GALNT14: variants seen among roughly 807,000 people sequenced by gnomAD.
GALNT14 encodes the protein UDP-GalNAc:polypeptide N-acetylgalactosaminyltransferase 14.
Under a neutral mutation model 77.5 loss-of-function variants are expected in GALNT14, and 60 were observed. The ratio of observed to expected loss-of-function variants is 0.77; its 90% CI spans 0.63 to 0.96. The LOEUF is 0.96. Among genes scored for constraint, GALNT14 ranks in the 40% least tolerant of loss-of-function variants. The probability of loss-of-function intolerance (pLI) is 0.00; values close to 1 mark genes in which losing one functional copy is unlikely to be tolerated. For synonymous variants in GALNT14, 280 were observed against 281.7 expected (o/e 0.99, Z 0.06); for missense variants, 710 against 731.0 (o/e 0.97, Z 0.33).
chr2:31,042,265 C>A (rs1460214119), intron 1 of GALNT14, among the ~76,000 whole-genome samples: 1 of 152,108 alleles, frequency 6.6e-6, no homozygotes, highest in African/African-American at 2.4e-5. Context: ...TTAAAGGTGA[C>A]TTACACCTCT....
chr2:30,917,105 A>G (rs898027559), intron 13 of GALNT14, among the ~76,000 whole-genome samples: 79 of 149,284 alleles, frequency 5.3e-4, no homozygotes, highest in South Asian at 1.9e-3. Context: ...AAAAAAAAAA[A>G]GAGGCAGGAG....
chr2:30,891,330 C>A, the GALNT14 span, among the ~76,000 whole-genome samples: 4 of 152,126 alleles, frequency 2.6e-5, no homozygotes, highest in African/African-American at 9.7e-5. Context: ...CAGGTGATGT[C>A]TGAAGAAGGC....
At chr2:31,035,425 G>T (rs1023237975) in intron 1 of GALNT14, among the ~76,000 whole-genome samples, 1 of 151,530 alleles carries the variant, frequency 6.6e-6, no homozygotes, top group Non-Finnish European at 1.5e-5. Flanking sequence ...TTTACTGTGT[G>T]GATGTTACAT....
chr2:31,048,948 C>T (rs1193304367), intron 1 of GALNT14, among the ~76,000 whole-genome samples: 1 of 152,188 alleles, frequency 6.6e-6, no homozygotes, highest in Non-Finnish European at 1.5e-5. Context: ...GCCAAATGCC[C>T]CCTCCAACCT....
At chr2:31,107,202 A>AC (rs1677603114) in intron 1 of GALNT14, among the ~76,000 whole-genome samples, 1 of 152,184 alleles carries the variant, frequency 6.6e-6, no homozygotes, top group Admixed American at 6.5e-5. Flanking sequence ...TCTCTGAATC[A>AC]AAGCAGGCCC....
intron 4 of GALNT14, among the ~76,000 whole-genome samples, chr2:30,957,784 G>A (rs113457380): frequency 0.019 from 2,869 of 152,306 alleles, 31 homozygotes; most frequent in Admixed American, 0.029. Context: ...CAGGAAGAGG[G>A]TGTTCTGCTT....
At chr2:31,059,248 T>G (rs1202323414) in intron 1 of GALNT14, among the ~76,000 whole-genome samples, 1 of 152,102 alleles carries the variant, frequency 6.6e-6, no homozygotes, top group African/African-American at 2.4e-5. Flanking sequence ...TTGTCATTAA[T>G]GAAAAAACAG....
At chr2:31,046,521 C>T (rs577468556) in intron 1 of GALNT14, among the ~76,000 whole-genome samples, 9 of 152,318 alleles carry the variant, frequency 5.9e-5, no homozygotes, top group East Asian at 1.9e-4. Context: ...AGCCACCGCG[C>T]GTGGCCTGGA....
At chr2:31,060,437 G>A (rs1486650326) in intron 1 of GALNT14, among the ~76,000 whole-genome samples, 1 of 152,190 alleles carries the variant, frequency 6.6e-6, no homozygotes, top group Non-Finnish European at 1.5e-5. Flanking sequence ...TCAGCGGAGG[G>A]AAAGAACTGA....
intron 1 of GALNT14, among the ~76,000 whole-genome samples, chr2:31,107,289 T>G (rs1484371955): frequency 6.6e-6 from 1 of 152,160 alleles, no homozygotes; most frequent in African/African-American, 2.4e-5. Flanking sequence ...TTGCTTTGCC[T>G]CTTCAGGATG....
intron 2 of GALNT14, among the ~76,000 whole-genome samples, chr2:30,968,953 A>G (rs1019774684): frequency 6.6e-6 from 1 of 152,168 alleles, no homozygotes; most frequent in Non-Finnish European, 1.5e-5. Context: ...AGGTGGAACC[A>G]GGGTTGAGGG....
intron 10 of GALNT14, among the ~76,000 whole-genome samples, chr2:30,930,833 T>C (rs1360167544): frequency 6.6e-6 from 1 of 152,250 alleles, no homozygotes; most frequent in Non-Finnish European, 1.5e-5. Flanking sequence ...CATTAGCACA[T>C]TGGAAGCTGT....
At chr2:31,091,735 G>A (rs766134437) in intron 1 of GALNT14, among the ~76,000 whole-genome samples, 14 of 152,322 alleles carry the variant, frequency 9.2e-5, no homozygotes, top group Non-Finnish European at 1.8e-4. Context: ...TGCCTAACAG[G>A]GTGGAAGGGA....
In GALNT14 at chr2:30,972,710, A is replaced by T. The variant is rs1336920227; in HGVS notation, c.300-6408T>A. Among the ~76,000 whole-genome samples the T allele has an allele frequency of 2.6e-5, 4 of 152,162 alleles. No individual in the cohort carries two copies. The East Asian group carries it at 7.7e-4, about 29-fold the overall frequency. On this transcript the variant is annotated intron_variant, in intron 2 of 14. Coordinates refer to ENST00000349752, the MANE Select transcript of GALNT14 (RefSeq NM_024572.4). ...TCAGGTCTATTCTGTGGCCTTGTAC[A>T]CTGTGTATACTCACATGCCCACTCT...
At chr2:31,029,542 G>A (rs56994191) in intron 1 of GALNT14, among the ~76,000 whole-genome samples, 8,751 of 152,318 alleles carry the variant, frequency 0.057, 349 homozygotes, top group East Asian at 0.11. Flanking sequence ...ATAACTAATG[G>A]AAGGTTAGTG....
At chr2:31,073,486 G>T (rs962622622) in intron 1 of GALNT14, among the ~76,000 whole-genome samples, 1 of 27,842 alleles carries the variant, frequency 3.6e-5, no homozygotes, top group Non-Finnish European at 7.3e-5. Context: ...GGAATAAAGA[G>T]GGGGGGGGAA....
intron 1 of GALNT14, among the ~76,000 whole-genome samples, chr2:31,020,374 C>A (rs1161409968): frequency 6.6e-6 from 1 of 152,034 alleles, no homozygotes; most frequent in Non-Finnish European, 1.5e-5. Context: ...TAAATGACAC[C>A]CCAGGGAACA....
intron 1 of GALNT14, among the ~76,000 whole-genome samples, chr2:31,120,844 C>T (rs1386269490): frequency 6.6e-6 from 1 of 152,242 alleles, no homozygotes; most frequent in African/African-American, 2.4e-5. Context: ...GCGTGAGCCA[C>T]CACGCCCAGC....
Position 31,138,110 on chromosome 2 carries a change from C to G in GALNT14, c.-24G>C. ...ATGGTCCCCTTTGCCGCTTCCTCTC[C>G]GCGGCGCTACGTCCCGGGGGCACCC... is the stretch of plus-strand genomic sequence containing the variant. On this transcript the variant is annotated 5_prime_UTR_variant, in exon 1 of 15. Transcript: ENST00000349752. 6.2e-7 allele frequency: 1 copy of G among 1,613,296 alleles called. No individual in the cohort carries two copies. The highest frequency in any genetic ancestry group is 8.5e-7 in the Non-Finnish European group (1 of 1,179,654).
Sources: gnomAD v4.1 joint callset for allele counts (sites outside exome capture counted in the v4.1 genomes callset) on GRCh38, gnomAD v4.1.1 for gene constraint, MANE v1.5 for transcripts, NCBI Gene and HGNC (gene_info 2026-07-23, HGNC 2026-07-21) for gene names.